Variants in TMEM74 observed in about 807,000 individuals in gnomAD.
TMEM74 encodes transmembrane protein 74.
TMEM74 carries 13 observed loss-of-function variants against 18.1 expected under a neutral mutation model. The ratio of observed to expected loss-of-function variants is 0.72; its 90% confidence interval spans 0.47 to 1.14. TMEM74 has a LOEUF of 1.14. TMEM74 is among the 50% of genes most tolerant of loss of function. TMEM74 has a pLI of 0.00. For synonymous variants in TMEM74, 159 were observed against 146.6 expected, an observed-to-expected ratio of 1.08 and a Z score of -0.61; for missense variants, 372 against 375.9, an observed-to-expected ratio of 0.99 and a Z score of 0.09.
intron 1 of TMEM74, among the ~76,000 whole-genome samples, chr8:108,674,936 C>A (rs751458336): frequency 7.9e-5 from 12 of 152,158 alleles, no homozygotes; most frequent in Non-Finnish European, 1.3e-4. Context: ...CTTTCAACAG[C>A]CAGATGAGCC....
rs185607523 is a variant in TMEM74, at chr8:108,614,431, G to A, written n.265-5605C>T. On this transcript the variant is annotated intron_variant and non_coding_transcript_variant, in intron 2 of 3. Transcript: ENST00000518838. ...GGAAATGTTCTAATAGTGGTGAGAGGCTAAAAGGGAATAGAAACAAGACTC... is the reference window on the plus strand; with the variant it reads ...GGAAATGTTCTAATAGTGGTGAGAGACTAAAAGGGAATAGAAACAAGACTC... Among the ~76,000 whole-genome samples the A allele has an allele frequency of 2.1e-3, 323 of 152,182 alleles. 2 individuals are homozygous for A. The highest frequency in any genetic ancestry group is 7.3e-3 in the African/African-American group (305 of 41,520).
At chr8:108,755,872 A>G (rs550742852) in intron 1 of TMEM74, among the ~76,000 whole-genome samples, 1 of 152,204 alleles carries the variant, frequency 6.6e-6, no homozygotes, top group South Asian at 2.1e-4. Context: ...ATGAGACAGT[A>G]TAGGCAAAGA....
At chr8:108,697,636 C>T (rs1813293594) in intron 1 of TMEM74, among the ~76,000 whole-genome samples, 1 of 152,084 alleles carries the variant, frequency 6.6e-6, no homozygotes, top group Non-Finnish European at 1.5e-5. Flanking sequence ...AGGCTGGTCT[C>T]ATACACCTGG....
rs201814438 is a variant in TMEM74 at position 108,784,591 on chromosome 8, A to T, written c.508T>A (p.Ser170Thr). 6 of 1,614,118 alleles carry T rather than the reference A, an allele frequency of 3.7e-6. No individual in the cohort carries two copies. Among genetic ancestry groups the T allele is most frequent in the Non-Finnish European group, 8.5e-7 (1 of 1,180,020 alleles). Residue 170 changes from serine (S) to threonine (T), a missense_variant, in exon 2 of 2, where the codon TCA becomes ACA. Coordinates refer to ENST00000297459, the MANE Select transcript of TMEM74 (RefSeq NM_153015.3). ...EDDTSSEATSSGKSIDYGFIS... is the reference protein window; with the variant it reads ...EDDTSSEATSTGKSIDYGFIS... ...AAACCATAGTCTATAGACTTCCCTG[A>T]AGACGTGGCTTCTGAACTTGTATCA...
chr8:108,610,149 T>C (rs1812320646), intron 2 of TMEM74, among the ~76,000 whole-genome samples: 1 of 152,200 alleles, frequency 6.6e-6, no homozygotes, highest in African/African-American at 2.4e-5. Flanking sequence ...AAGATTCAAG[T>C]TGATTCTGAT....
intron 2 of TMEM74, among the ~76,000 whole-genome samples, chr8:108,615,819 C>CTTTTGTTTTTTTTT (rs1812376983): frequency 1.3e-5 from 1 of 76,420 alleles, no homozygotes; most frequent in African/African-American, 5.4e-5. Context: ...TGCATGGGAG[C>CTTTTGTTTTTTTTT]TTTTTTTTTT....
chr8:108,733,260 A>G (rs990608813), intron 1 of TMEM74, among the ~76,000 whole-genome samples: 1 of 152,212 alleles, frequency 6.6e-6, no homozygotes, highest in African/African-American at 2.4e-5. Context: ...GGTATCTATC[A>G]ACAGGAGAAC....
At chr8:108,764,392 C>T (rs1814078410) in intron 1 of TMEM74, among the ~76,000 whole-genome samples, 2 of 152,124 alleles carry the variant, frequency 1.3e-5, no homozygotes, top group East Asian at 1.9e-4. Context: ...ATGTGTCTTT[C>T]CTAGAGGGAT....
downstream of TMEM74, among the ~76,000 whole-genome samples, chr8:108,774,778 C>G (rs76146567): frequency 5.8e-5 from 3 of 51,874 alleles, no homozygotes; most frequent in Admixed American, 6.2e-4. Context: ...TTTTTTTTTT[C>G]TGTAGAGACC....
intron 2 of TMEM74, chr8:108,652,588 A>C: frequency 1.6e-6 from 1 of 616,734 alleles, no homozygotes; most frequent in South Asian, 1.6e-5. Flanking sequence ...TATCCAGAGA[A>C]AACAGAGACA....
intron 1 of TMEM74, among the ~76,000 whole-genome samples, chr8:108,727,403 T>A (rs374278173): frequency 6.6e-6 from 1 of 152,112 alleles, no homozygotes; most frequent in Non-Finnish European, 1.5e-5. Flanking sequence ...AGTGGCAAGA[T>A]TTTTGGACAT....
At chr8:108,651,939 G>T (rs1333345362) in intron 2 of TMEM74, among the ~76,000 whole-genome samples, 1 of 149,016 alleles carries the variant, frequency 6.7e-6, no homozygotes. Context: ...ACCATGTGTC[G>T]CTAAAAAAAA....
chr8:108,664,332 C>G (rs1463129336), intron 1 of TMEM74, among the ~76,000 whole-genome samples: 1 of 152,034 alleles, frequency 6.6e-6, no homozygotes, highest in Non-Finnish European at 1.5e-5. Flanking sequence ...CTTTGTGAAG[C>G]TATTTCACCT....
intron 1 of TMEM74, among the ~76,000 whole-genome samples, chr8:108,681,381 A>G (rs1813113582): frequency 6.6e-6 from 1 of 152,170 alleles, no homozygotes; most frequent in African/African-American, 2.4e-5. Context: ...CAACCATCTG[A>G]TCTTTGACAA....
chr8:108,614,717 G>A (rs1208248436), intron 2 of TMEM74, among the ~76,000 whole-genome samples: 4 of 152,164 alleles, frequency 2.6e-5, no homozygotes, highest in African/African-American at 9.7e-5. Context: ...TTTAGCAGGA[G>A]CACTGCATTG....
downstream of TMEM74, among the ~76,000 whole-genome samples, chr8:108,776,562 G>A (rs1814235464): frequency 6.6e-6 from 1 of 152,186 alleles, no homozygotes; most frequent in South Asian, 2.1e-4. Context: ...ACTATTCAAG[G>A]TCTAGAAGAT....
intron 1 of TMEM74, among the ~76,000 whole-genome samples, chr8:108,769,639 T>A (rs1387525030): frequency 6.6e-6 from 1 of 152,134 alleles, no homozygotes; most frequent in Non-Finnish European, 1.5e-5. Context: ...AAAGGGACCG[T>A]GTACTTTGGC....
At chr8:108,749,905 C>T (rs1813887716) in intron 1 of TMEM74, among the ~76,000 whole-genome samples, 1 of 152,076 alleles carries the variant, frequency 6.6e-6, no homozygotes, top group Admixed American at 6.6e-5. Context: ...ATGTCTTGGT[C>T]TAGAGCTGAA....
intron 1 of TMEM74, among the ~76,000 whole-genome samples, chr8:108,712,819 T>C (rs1045809940): frequency 1.3e-5 from 2 of 152,178 alleles, no homozygotes; most frequent in African/African-American, 4.8e-5. Flanking sequence ...CAGAAGAATC[T>C]GTAGCCCTTA....
Sources: gnomAD v4.1 joint callset for allele counts (sites outside exome capture counted in the v4.1 genomes callset) on GRCh38, gnomAD v4.1.1 for gene constraint, MANE v1.5 for transcripts, NCBI Gene and HGNC (gene_info 2026-07-23, HGNC 2026-07-21) for gene names.